The following ZMYM2 variants were observed in gnomAD, a reference collection of about 807,000 sequenced individuals.
ZMYM2 encodes zinc finger MYM-type containing 2, also known as zinc finger MYM-type protein 2.
A neutral mutation model predicts 162.8 loss-of-function variants in ZMYM2; 56 were observed. The ratio of observed to expected loss-of-function variants is 0.34; its 90% CI spans 0.28 to 0.43. The LOEUF (loss-of-function observed/expected upper bound fraction) is 0.43. ZMYM2 is among the 20% of genes least tolerant of loss of function. The pLI is 1.00. For synonymous variants in ZMYM2, 510 were observed against 541.6 expected, an observed-to-expected ratio of 0.94 and a Z score of 0.81; for missense variants, 1,275 against 1,621.8, an observed-to-expected ratio of 0.79 and a Z score of 3.67.
rs756509522 is a variant in ZMYM2, at chr13:20,019,587, A to C, written c.1553A>C (p.His518Pro). ...HPSFLKEVRD[H>P]MQDSFLMQPE... ...AGCTTCCTGAAGGAGGTTCGAGATC[A>C]CATGCAGGACTCTTTCTTAATGCAG... Residue 518 changes from histidine to proline, a missense_variant, in exon 7 of 25, where the codon CAC becomes CCC. His to Pro is a moderately conservative substitution (Grantham distance 77). This residue lies in a region of ZMYM2 where 276 missense variants were observed against 311.8 expected (regional missense o/e 0.89). Transcript: ENST00000610343. The C allele has an allele frequency of 5.6e-6, 9 of 1,597,660 alleles. No homozygotes were observed. The highest frequency in any genetic ancestry group is 4.5e-5 in the East Asian group (2 of 44,492).
At chr13:20,006,724 G>A (rs1420502764) in intron 6 of ZMYM2, 138 bp downstream of exon 6, 1 of 911,660 alleles carries the variant, frequency 1.1e-6, no homozygotes, top group Non-Finnish European at 1.7e-6. Flanking sequence ...TCATATCATG[G>A]AGCATACTGA....
At chr13:20,009,287 A>G (rs1287258281) in intron 6 of ZMYM2, among the ~76,000 whole-genome samples, 2 of 152,226 alleles carry the variant, frequency 1.3e-5, no homozygotes, top group East Asian at 3.8e-4. Flanking sequence ...AACAAGGACT[A>G]GGCTCTGATG....
chr13:20,056,706 CAT>C (rs966779000), intron 14 of ZMYM2, among the ~76,000 whole-genome samples: 2 of 150,526 alleles, frequency 1.3e-5, no homozygotes, highest in Admixed American at 6.6e-5. Flanking sequence ...ATGTTAAAAA[CAT>C]AATGTGCATC....
chr13:19,909,589 C>T, the ZMYM2 span, among the ~76,000 whole-genome samples: 4 of 151,980 alleles, frequency 2.6e-5, no homozygotes, highest in African/African-American at 9.7e-5. Flanking sequence ...CGTGACACCA[C>T]ACCTGGCTAA....
chr13:20,054,747 T>C (rs59100858), intron 14 of ZMYM2, among the ~76,000 whole-genome samples: 2 of 152,132 alleles, frequency 1.3e-5, no homozygotes, highest in Admixed American at 6.5e-5. Flanking sequence ...AAGTGCAACA[T>C]TGAGCAATCC....
chr13:19,890,517 A>AAAAAAAAAT, the ZMYM2 span, among the ~76,000 whole-genome samples: 1 of 150,630 alleles, frequency 6.6e-6, no homozygotes, highest in East Asian at 1.9e-4. Context: ...AAAAAAAAAA[A>AAAAAAAAAT]AAAAAGTTGG....
At chr13:20,019,174 CTTAA>C (rs1320076867) in intron 6 of ZMYM2, among the ~76,000 whole-genome samples, 1 of 151,468 alleles carries the variant, frequency 6.6e-6, no homozygotes, top group Non-Finnish European at 1.5e-5. Flanking sequence ...CTCCAAATGA[CTTAA>C]TTTAGAAAGC....
rs757789108 is a variant in ZMYM2, at chr13:20,031,384, C to T, written c.1917C>T (p.Cys639=). The T allele has an allele frequency of 2.5e-6, 4 of 1,606,926 alleles. No homozygotes were observed. Among genetic ancestry groups the T allele is most frequent in the Non-Finnish European group, 3.4e-6 (4 of 1,178,050 alleles). The change falls in exon 10 of 25, where the codon TGC becomes TGT. Residue 639 remains cysteine (C), a synonymous_variant. Transcript: ENST00000610343. ...FVAPSDIQLK[C]NYCKNSFCSK... ...CGCCAAGTGATATTCAGTTGAAATG[C>T]AACTACTGCAAAAATTCCTTTTGTT...
chr13:19,895,664 G>A, the ZMYM2 span, among the ~76,000 whole-genome samples: 1 of 151,802 alleles, frequency 6.6e-6, no homozygotes, highest in Non-Finnish European at 1.5e-5. Context: ...CATGAGGGCA[G>A]AGCCTACGTG....
At chr13:19,872,459 A>G in the ZMYM2 span, among the ~76,000 whole-genome samples, 1 of 152,164 alleles carries the variant, frequency 6.6e-6, no homozygotes, top group Admixed American at 6.5e-5. Context: ...CTGAGGCAAG[A>G]GAATTCCTTG....
the ZMYM2 span, among the ~76,000 whole-genome samples, chr13:19,881,346 G>C: frequency 3.3e-5 from 5 of 152,058 alleles, no homozygotes; most frequent in African/African-American, 9.7e-5. Context: ...AGGGGGCCTG[G>C]TGCGGTGGCT....
At chr13:19,946,522 T>A in the ZMYM2 span, among the ~76,000 whole-genome samples, 20 of 152,374 alleles carry the variant, frequency 1.3e-4, no homozygotes, top group Non-Finnish European at 2.6e-4. Context: ...TCATCGTTAT[T>A]CTGTATAGCA....
chr13:19,954,812 TG>T (rs1305647768), upstream of ZMYM2, among the ~76,000 whole-genome samples: 1 of 151,914 alleles, frequency 6.6e-6, no homozygotes, highest in East Asian at 1.9e-4. Flanking sequence ...AAAATATTGT[TG>T]TTTTTTTTTT....
the ZMYM2 span, among the ~76,000 whole-genome samples, chr13:19,924,540 C>A: frequency 6.6e-6 from 1 of 152,154 alleles, no homozygotes; most frequent in Non-Finnish European, 1.5e-5. Context: ...TGCACTCCAG[C>A]CACTCCTCTC....
chr13:20,060,555 G>C (rs568835797), intron 16 of ZMYM2, among the ~76,000 whole-genome samples: 4 of 152,124 alleles, frequency 2.6e-5, no homozygotes, highest in Non-Finnish European at 5.9e-5. Flanking sequence ...GCACATGCCT[G>C]TAATCCCAGC....
rs1190798269 is a variant in ZMYM2, at chr13:20,086,830, A to C, written c.*816A>C. On this transcript the variant is annotated 3_prime_UTR_variant, in exon 25 of 25. Coordinates refer to ENST00000610343, the MANE Select transcript of ZMYM2 (RefSeq NM_197968.4). ...TTGTAAGTTGAAAACAAGATCATCA[A>C]GACATTTCCTTTGTAAAAATGTCTG... 1.9e-5 allele frequency: 3 copies of C among 161,262 alleles called. No individual in the cohort carries two copies. Among genetic ancestry groups the C allele is most frequent in the Non-Finnish European group, 4.0e-5 (3 of 74,554 alleles). The allele number at this position is 161,262 out of a possible 1,614,324, so 10.0% of individuals were successfully genotyped here.
At chr13:20,033,893 A>G (rs1194276955) in intron 10 of ZMYM2, among the ~76,000 whole-genome samples, 2 of 152,120 alleles carry the variant, frequency 1.3e-5, no homozygotes, top group East Asian at 3.9e-4. Flanking sequence ...TTTCTTTTTG[A>G]CTGAAAATAT....
chr13:20,034,507 CA>C (rs1044568715), intron 11 of ZMYM2, 103 bp downstream of exon 11: 37 of 1,161,630 alleles, frequency 3.2e-5, no homozygotes, highest in South Asian at 9.1e-5. Flanking sequence ...TGTAGCTGAA[CA>C]AAAAAAATTG....
chr13:20,061,303 G>C, intron 17 of ZMYM2, 79 bp downstream of exon 17: 3 of 1,463,216 alleles, frequency 2.1e-6, no homozygotes, highest in South Asian at 1.4e-5. Context: ...ACTTTCCAGG[G>C]CATATCATTT....
Sources: allele counts gnomAD v4.1 joint callset (sites outside exome capture counted in the v4.1 genomes callset), GRCh38; gene constraint gnomAD v4.1.1; regional missense constraint gnomAD v4.1.1; transcripts MANE v1.5; gene names NCBI Gene and HGNC (gene_info 2026-07-23, HGNC 2026-07-21).